NEDD4L: variants seen among roughly 807,000 people sequenced by gnomAD.
NEDD4L encodes the protein E3 ubiquitin-protein ligase NEDD4-like.
A neutral mutation model predicts 148.9 loss-of-function variants in NEDD4L; 54 were observed. The ratio of observed to expected loss-of-function variants is 0.36; its 90% CI spans 0.29 to 0.45. The LOEUF (loss-of-function observed/expected upper bound fraction) is 0.45. Among genes scored for constraint, NEDD4L ranks in the 20% least tolerant of loss-of-function variants. The pLI is 1.00. For missense variants in NEDD4L, 856 were observed against 1,233.8 expected (o/e 0.69, Z 4.59); for synonymous variants, 433 against 440.7 (o/e 0.98, Z 0.22).
intron 1 of NEDD4L, among the ~76,000 whole-genome samples, chr18:58,053,819 G>A (rs764128439): frequency 2.9e-4 from 44 of 152,324 alleles, no homozygotes; most frequent in Non-Finnish European, 3.2e-4. Flanking sequence ...CTAGCTGACC[G>A]GAGGTTGCAC....
At chr18:58,074,704 A>C (rs2144971369) in intron 1 of NEDD4L, among the ~76,000 whole-genome samples, 1 of 152,252 alleles carries the variant, frequency 6.6e-6, no homozygotes. Context: ...AATGATTACA[A>C]AGTAAGGAAT....
At chr18:58,108,333 T>C (rs1191547782) in intron 1 of NEDD4L, among the ~76,000 whole-genome samples, 1 of 152,222 alleles carries the variant, frequency 6.6e-6, no homozygotes. Flanking sequence ...ATTGTTTTAA[T>C]CTATGTTTGT....
At position 58,400,458 on chromosome 18, in the gene NEDD4L, AC is replaced by A. The variant is rs538330299; in HGVS notation, c.*4193del. ...TATACATTTGCATACACACACCCCC[AC>A]CCCAGAGTGTTCTCAGTATGTCAGA... On this transcript the variant is annotated 3_prime_UTR_variant, in exon 31 of 31. Transcript: ENST00000400345. The A allele has an allele frequency of 6.1e-4, 93 of 152,120 alleles. No homozygotes were observed. The highest frequency in any genetic ancestry group is 2.2e-3 in the African/African-American group (90 of 41,506). 9.4% of individuals were successfully genotyped at this position (152,120 alleles called of 1,614,324 possible).
At chr18:58,368,815 A>G (rs975793123) in intron 22 of NEDD4L, among the ~76,000 whole-genome samples, 4 of 152,192 alleles carry the variant, frequency 2.6e-5, no homozygotes, top group Non-Finnish European at 5.9e-5. Context: ...ACTAAACCAC[A>G]CACTCTTTCC....
chr18:58,200,771 C>T (rs1460688073), intron 2 of NEDD4L, among the ~76,000 whole-genome samples: 1 of 152,150 alleles, frequency 6.6e-6, no homozygotes, highest in Non-Finnish European at 1.5e-5. Flanking sequence ...ACCTTCGCTA[C>T]AGGTGGGCAG....
At chr18:58,198,521 C>T (rs955405157) in intron 2 of NEDD4L, among the ~76,000 whole-genome samples, 1 of 152,102 alleles carries the variant, frequency 6.6e-6, no homozygotes, top group Non-Finnish European at 1.5e-5. Flanking sequence ...TTCCATGGTC[C>T]TCTAAGGTGG....
chr18:58,372,233 C>A (rs1167773158), intron 23 of NEDD4L: 1 of 152,014 alleles, frequency 6.6e-6, no homozygotes, highest in Non-Finnish European at 1.5e-5. Flanking sequence ...CTGTCTCAGC[C>A]TCCCAAGTAG....
intron 1 of NEDD4L, among the ~76,000 whole-genome samples, chr18:58,114,065 TTG>T (rs2085600773): frequency 6.6e-6 from 1 of 152,174 alleles, no homozygotes; most frequent in African/African-American, 2.4e-5. Context: ...TAATGTTTTT[TTG>T]TGTTTTTAAA....
chr18:58,391,849 A>G (rs1022752698), intron 30 of NEDD4L, among the ~76,000 whole-genome samples: 4 of 152,252 alleles, frequency 2.6e-5, no homozygotes, highest in Non-Finnish European at 5.9e-5. Context: ...ACTGTTCAGC[A>G]TACATAGATA....
At chr18:58,078,233 T>C (rs1488870231) in intron 1 of NEDD4L, among the ~76,000 whole-genome samples, 3 of 152,188 alleles carry the variant, frequency 2.0e-5, no homozygotes, top group Non-Finnish European at 4.4e-5. Flanking sequence ...AATAAGCTGA[T>C]TTCTAAAAGC....
intron 5 of NEDD4L, among the ~76,000 whole-genome samples, chr18:58,298,563 C>T (rs2056015420): frequency 6.6e-6 from 1 of 152,194 alleles, no homozygotes. Flanking sequence ...GCATGTGCAA[C>T]GTTTAGAACA....
At chr18:58,387,130 G>T (rs1325496562) in intron 26 of NEDD4L, among the ~76,000 whole-genome samples, 1 of 152,182 alleles carries the variant, frequency 6.6e-6, no homozygotes, top group Non-Finnish European at 1.5e-5. Flanking sequence ...ATCTTAGGAC[G>T]CACTGACTCA....
chr18:58,324,821 T>C (rs995907791), intron 8 of NEDD4L, among the ~76,000 whole-genome samples, 175 bp from the exon 9 acceptor site: 1 of 152,164 alleles, frequency 6.6e-6, no homozygotes, highest in Non-Finnish European at 1.5e-5. Context: ...AGAATTGATA[T>C]ATATATATTT....
At chr18:58,347,535 A>T (rs1045248372) in intron 16 of NEDD4L, among the ~76,000 whole-genome samples, 1 of 152,186 alleles carries the variant, frequency 6.6e-6, no homozygotes, top group African/African-American at 2.4e-5. Context: ...TTACCAGATT[A>T]TCAGCTTCTT....
At chr18:58,100,804 A>T (rs1273997376) in intron 1 of NEDD4L, among the ~76,000 whole-genome samples, 3 of 151,224 alleles carry the variant, frequency 2.0e-5, no homozygotes, top group South Asian at 4.1e-4. Flanking sequence ...TTTATTTTTA[A>T]TTAAAAAAAT....
chr18:58,255,611 G>A, intron 5 of NEDD4L: 1 of 1,232,408 alleles, frequency 8.1e-7, no homozygotes, highest in Non-Finnish European at 1.0e-6. Flanking sequence ...GTTGCCGCTT[G>A]CCCTAGCCCT....
chr18:58,291,535 G>A (rs895300968), intron 5 of NEDD4L, among the ~76,000 whole-genome samples: 8 of 152,118 alleles, frequency 5.3e-5, no homozygotes. Flanking sequence ...GCTGTTTTCT[G>A]ACCCCTGAGA....
intron 2 of NEDD4L, among the ~76,000 whole-genome samples, chr18:58,184,820 T>C (rs930845172): frequency 9.9e-5 from 15 of 151,562 alleles, no homozygotes; most frequent in Admixed American, 5.9e-4. Context: ...CCCAGCTACT[T>C]GGGAGGCTGA....
intron 19 of NEDD4L, among the ~76,000 whole-genome samples, chr18:58,363,158 GTTGT>G (rs929558875): frequency 4.8e-5 from 7 of 144,936 alleles, no homozygotes; most frequent in African/African-American, 1.7e-4. Flanking sequence ...TGGAAGAGTG[GTTGT>G]TTGTTTTGTT....
Sources: gnomAD v4.1 joint callset for allele counts (sites outside exome capture counted in the v4.1 genomes callset) on GRCh38, gnomAD v4.1.1 for gene constraint, MANE v1.5 for transcripts, NCBI Gene and HGNC (gene_info 2026-07-23, HGNC 2026-07-21) for gene names.